The following GRAMD2B variants were observed in gnomAD, a reference collection of about 807,000 sequenced individuals.
GRAMD2B encodes GRAM domain-containing protein 2B.
In GRAMD2B, 41 loss-of-function variants were observed where a neutral mutation model predicts 59.2. The ratio of observed to expected loss-of-function variants is 0.69; its 90% CI spans 0.54 to 0.90. GRAMD2B has a LOEUF of 0.90. Among genes scored for constraint, GRAMD2B ranks in the 40% least tolerant of loss-of-function variants. The probability of loss-of-function intolerance (pLI) is 0.00; values close to 1 mark genes in which losing one functional copy is unlikely to be tolerated. For missense variants in GRAMD2B, 424 were observed against 500.5 expected (o/e 0.85, Z 1.46); for synonymous variants, 161 against 182.7 (o/e 0.88, Z 0.96).
At chr5:126,407,151 G>A (rs982322197) in intron 1 of GRAMD2B, among the ~76,000 whole-genome samples, 2 of 151,984 alleles carry the variant, frequency 1.3e-5, no homozygotes, top group African/African-American at 4.8e-5. Context: ...AGTGACAGAG[G>A]TAAGTAGCCT....
intron 8 of GRAMD2B, among the ~76,000 whole-genome samples, chr5:126,481,623 G>T (rs1296078917): frequency 6.6e-6 from 1 of 151,984 alleles, no homozygotes; most frequent in African/African-American, 2.4e-5. Flanking sequence ...CTGATTAATG[G>T]ATTTTTTAAA....
At position 126,425,875 on chromosome 5, in the gene GRAMD2B, G is replaced by A. The variant is rs192340990; in HGVS notation, c.83+2186G>A. 1.5e-3 allele frequency among the ~76,000 whole-genome samples: 236 copies of A among 152,280 alleles called. 4 individuals carry two copies. The highest frequency in any genetic ancestry group is 0.013 in the Admixed American group (202 of 15,300). ...GGAAGGTAGAAAGGGTGGGGAAGGA[G>A]GGAATAGGGAGTTGATCAGAGGGTA... On this transcript the variant is annotated intron_variant, in intron 1 of 13. Coordinates refer to ENST00000285689, the MANE Select transcript of GRAMD2B (RefSeq NM_023927.4).
chr5:126,374,955 C>T (rs57891117), intron 1 of GRAMD2B, among the ~76,000 whole-genome samples: 1,918 of 152,282 alleles, frequency 0.013, 34 homozygotes, highest in African/African-American at 0.044. Flanking sequence ...TCAAGTAAAA[C>T]TTTTTAAAAA....
intron 1 of GRAMD2B, among the ~76,000 whole-genome samples, chr5:126,433,035 A>G (rs1761834425): frequency 6.6e-6 from 1 of 152,240 alleles, no homozygotes; most frequent in African/African-American, 2.4e-5. Flanking sequence ...TATCACCAGG[A>G]TGAAACACAT....
At chr5:126,420,078 G>GAAAGA (rs373106704), upstream of GRAMD2B, among the ~76,000 whole-genome samples, 1,376 of 127,892 alleles carry the variant, frequency 0.011, 20 homozygotes, top group African/African-American at 0.037. Flanking sequence ...AAAAAAGAAA[G>GAAAGA]AAAGAAAAGA....
Position 126,480,648 on chromosome 5 carries a change from C to A in GRAMD2B, c.676C>A (p.Pro226Thr), listed in dbSNP as rs755436476. ...TCAGAATACAAGTGTTGGTAACAGT[C>A]CCAATCCATCTTCTGCTGAAAACAG... is the stretch of plus-strand genomic sequence containing the variant. ...HLENTSVGNS[P>T]NPSSAENSFR... Residue 226 changes from proline to threonine, a missense_variant, in exon 8 of 14, where the codon CCC (proline) becomes ACC (threonine). Transcript: ENST00000285689. 5 of 1,614,100 alleles carry A rather than the reference C, an allele frequency of 3.1e-6. No homozygotes were observed. In the East Asian group the frequency reaches 1.1e-4, roughly 36 times the overall value.
rs907819958 is a variant in GRAMD2B at position 126,415,546 on chromosome 5, G to A, written c.125+43979G>A. On this transcript the variant is annotated intron_variant, in intron 1 of 8. Coordinates refer to the GRAMD2B transcript ENST00000506445. Reference sequence around the variant, plus strand: ...AGGGTGGGAAGGAGGGAAAGAGGGAGGGCTACACAATTTGCCTCAAATGAA... The same window carrying A: ...AGGGTGGGAAGGAGGGAAAGAGGGAAGGCTACACAATTTGCCTCAAATGAA... Among the ~76,000 whole-genome samples the A allele has an allele frequency of 3.9e-5, 6 of 152,068 alleles. No individual in the cohort carries two copies. The South Asian group carries it at 1.2e-3, about 32-fold the overall frequency.
chr5:126,486,214 T>C (rs1008771395), intron 11 of GRAMD2B, among the ~76,000 whole-genome samples: 1 of 152,216 alleles, frequency 6.6e-6, no homozygotes, highest in Non-Finnish European at 1.5e-5. Flanking sequence ...AATATCCTTC[T>C]TTTAGCTATT....
At chr5:126,373,749 G>A (rs1284835029) in intron 1 of GRAMD2B, among the ~76,000 whole-genome samples, 1 of 152,204 alleles carries the variant, frequency 6.6e-6, no homozygotes, top group Admixed American at 6.5e-5. Context: ...GTAAGTAAAG[G>A]ACTCTCCAAG....
chr5:126,411,928 T>C lies in GRAMD2B; in HGVS notation c.125+40361T>C, dbSNP rs375054971. 9.0e-4 allele frequency among the ~76,000 whole-genome samples: 137 copies of C among 151,968 alleles called. 3 individuals carry two copies. The South Asian group carries it at 0.028, about 31-fold the overall frequency. ...TCTCAACTTGAACATCATTTGTGTATAGAAATGCTACTGATTTTTGTACAT... is the reference window on the plus strand; with the variant it reads ...TCTCAACTTGAACATCATTTGTGTACAGAAATGCTACTGATTTTTGTACAT... On this transcript the variant is annotated intron_variant, in intron 1 of 8. Transcript: ENST00000506445.
At chr5:126,397,112 C>A (rs1163279281) in intron 1 of GRAMD2B, among the ~76,000 whole-genome samples, 2 of 152,154 alleles carry the variant, frequency 1.3e-5, no homozygotes, top group Non-Finnish European at 2.9e-5. Context: ...GCAAAATTTT[C>A]TCCCATTCTG....
intron 1 of GRAMD2B, among the ~76,000 whole-genome samples, chr5:126,405,171 GTC>G (rs1758165468): frequency 6.6e-6 from 1 of 151,936 alleles, no homozygotes; most frequent in East Asian, 1.9e-4. Context: ...TAGAGGAAGA[GTC>G]TGGGAAGAAC....
At chr5:126,475,066 T>C (rs780595170) in intron 5 of GRAMD2B, among the ~76,000 whole-genome samples, 8 of 152,232 alleles carry the variant, frequency 5.3e-5, no homozygotes, top group Non-Finnish European at 8.8e-5. Context: ...ACGGGAACTT[T>C]CCAATCAAGT....
chr5:126,378,595 G>A (rs1755397824), intron 1 of GRAMD2B, among the ~76,000 whole-genome samples: 1 of 152,102 alleles, frequency 6.6e-6, no homozygotes, highest in Admixed American at 6.5e-5. Flanking sequence ...CAACAGATCT[G>A]TTTTTTCTAT....
chr5:126,489,647 G>A (rs1773573882), intron 13 of GRAMD2B, among the ~76,000 whole-genome samples: 1 of 152,188 alleles, frequency 6.6e-6, no homozygotes, highest in South Asian at 2.1e-4. Flanking sequence ...TTAGCCTGTG[G>A]CATTCTTAGA....
chr5:126,408,833 T>G (rs1212911543), intron 1 of GRAMD2B, among the ~76,000 whole-genome samples: 11 of 88,220 alleles, frequency 1.2e-4, no homozygotes, highest in Admixed American at 7.4e-4. Context: ...ATGCTATCCC[T>G]CCCCCCTCCC....
At chr5:126,373,352 T>A (rs1334647473) in intron 1 of GRAMD2B, among the ~76,000 whole-genome samples, 1 of 152,216 alleles carries the variant, frequency 6.6e-6, no homozygotes, top group African/African-American at 2.4e-5. Flanking sequence ...TCTAAATAAG[T>A]ATTGAGAATT....
At chr5:126,423,333 G>GT (rs753020644), upstream of GRAMD2B, 523 of 1,302,212 alleles carry the variant, frequency 4.0e-4, no homozygotes, top group Middle Eastern at 2.3e-3. Context: ...TGCCTCCTGG[G>GT]TTGGGGAAAG....
At chr5:126,360,281 T>C in exon 1 of GRAMD2B, 1 of 1,547,076 alleles carries the variant, frequency 6.5e-7, no homozygotes. Flanking sequence ...AATACAAAGT[T>C]CCTTCCCGAC....
Sources: gnomAD v4.1 joint callset for allele counts (sites outside exome capture counted in the v4.1 genomes callset) on GRCh38, gnomAD v4.1.1 for gene constraint, MANE v1.5 for transcripts, NCBI Gene and HGNC (gene_info 2026-07-23, HGNC 2026-07-21) for gene names.